SLAMF9: variants seen among roughly 807,000 people sequenced by gnomAD.
SLAMF9 encodes the protein CD2 family member 10.
A neutral mutation model predicts 30.4 loss-of-function variants in SLAMF9; 25 were observed. That is an observed-to-expected ratio of 0.82 (90% CI 0.60 to 1.15). The LOEUF (loss-of-function observed/expected upper bound fraction) is 1.15. SLAMF9 is among the 50% of genes most tolerant of loss of function. The pLI is 0.00. For synonymous variants in SLAMF9, 129 were observed against 127.2 expected, an observed-to-expected ratio of 1.01 and a Z score of -0.09; for missense variants, 344 against 346.1, an observed-to-expected ratio of 0.99 and a Z score of 0.05.
At chr1:159,972,006 C>T in the SLAMF9 span, among the ~76,000 whole-genome samples, 1 of 152,088 alleles carries the variant, frequency 6.6e-6, no homozygotes. Context: ...GCATACAGAC[C>T]CATGTCAATG....
rs1651843311 is a variant in SLAMF9, at chr1:159,953,549, C to T, written c.151G>A (p.Glu51Lys). 1 of 1,614,092 alleles carries T rather than the reference C, an allele frequency of 6.2e-7. No homozygotes were observed. The highest frequency in any genetic ancestry group is 8.5e-7 in the Non-Finnish European group (1 of 1,180,042). Residue 51 changes from glutamate (E) to lysine (K), a missense_variant, in exon 2 of 4, where the codon GAG becomes AAG. Coordinates refer to ENST00000368093, the MANE Select transcript of SLAMF9 (RefSeq NM_033438.4). The part of the protein sequence containing the change: ...PLEIPPDEEV[E>K]NIIWSSHKSL... The stretch of plus-strand genomic sequence containing the variant: ...TTGTGAGAGGACCAGATGATGTTCT[C>T]AACCTCTTCATCTGGTGGTATTTCC...
At chr1:159,979,316 G>A in the SLAMF9 span, among the ~76,000 whole-genome samples, 3 of 152,150 alleles carry the variant, frequency 2.0e-5, no homozygotes, top group Non-Finnish European at 4.4e-5. Context: ...TGTCTTTTTG[G>A]TTGCCACTAT....
chr1:159,979,962 G>A, the SLAMF9 span, among the ~76,000 whole-genome samples: 1 of 152,204 alleles, frequency 6.6e-6, no homozygotes, highest in Non-Finnish European at 1.5e-5. Flanking sequence ...ATCACAGGAC[G>A]TTTTAGGAAA....
At chr1:159,973,346 G>A in the SLAMF9 span, 2 of 572,144 alleles carry the variant, frequency 3.5e-6, no homozygotes, top group Non-Finnish European at 6.2e-6. Flanking sequence ...AGGAGGCTGA[G>A]GCCTGAGCTT....
In SLAMF9 at chr1:159,951,811, T is replaced by G; in HGVS notation, c.720A>C (p.Gly240=). 1 of 1,614,102 alleles carries G rather than the reference T, an allele frequency of 6.2e-7. No individual in the cohort carries two copies. The highest frequency in any genetic ancestry group is 1.3e-5 in the African/African-American group (1 of 75,022). ...TTACCAAGAGCAAGAAGATGAGCAA[T>G]CCCTTGGCCAGGAGGCAGAAGGCTG... ...PSTAFCLLAK[G]LLIFLLLVIL... is the part of the protein sequence containing the mutation. The change falls in exon 4 of 4, where the codon GGA becomes GGC. Residue 240 remains glycine, a synonymous_variant. Transcript: ENST00000368093.
rs770406659 is a variant in SLAMF9, at chr1:159,952,516, TG to T, written c.409del (p.Gln137ArgfsTer4). The T allele has an allele frequency of 6.2e-6, 10 of 1,613,794 alleles. No homozygotes were observed. Among genetic ancestry groups the T allele is most frequent in the Non-Finnish European group, 7.6e-6 (9 of 1,179,920 alleles). On this transcript the variant is annotated frameshift_variant, in exon 3 of 4. Transcript: ENST00000368093. LOFTEE classifies it high-confidence loss of function. ...ICVYRWLSEP[Q>X]ITVNFESSGE... Reference sequence around the variant, plus strand: ...AGAACTCTCAAAGTTCACAGTGATCTGGGGCTCTGACAGCCATCCTGGATGA... The same window carrying T: ...AGAACTCTCAAAGTTCACAGTGATCTGGGCTCTGACAGCCATCCTGGATGA...
the SLAMF9 span, chr1:159,976,577 C>CACATATTGAA: frequency 1.3e-5 from 2 of 152,114 alleles, no homozygotes; most frequent in African/African-American, 4.8e-5. Context: ...TTACTATATT[C>CACATATTGAA]ACATATATGT....
the SLAMF9 span, among the ~76,000 whole-genome samples, chr1:159,974,714 G>A: frequency 6.6e-6 from 1 of 152,166 alleles, no homozygotes. Context: ...GTCCTGATTG[G>A]GCAGGACAAG....
rs938778881 is a variant in SLAMF9 at position 159,953,711 on chromosome 1, C to A, written c.47-58G>T. 2.0e-6 allele frequency: 3 copies of A among 1,483,308 alleles called. No homozygotes were observed. In the Admixed American group the frequency reaches 6.1e-5, roughly 30 times the overall value. The allele number at this position is 1,483,308 out of a possible 1,614,324, so 91.9% of individuals were successfully genotyped here. ...AGCTGCTGTCTCTGGGCTGCTGAAC[C>A]TGGCAGTGGAGCTGCCAGAGTAGCG... is the stretch of plus-strand genomic sequence containing the variant. On this transcript the variant is annotated intron_variant, in intron 1 of 3. Coordinates refer to ENST00000368093, the MANE Select transcript of SLAMF9 (RefSeq NM_033438.4).
upstream of SLAMF9, among the ~76,000 whole-genome samples, chr1:159,954,459 C>G (rs1000521208): frequency 1.3e-5 from 2 of 152,164 alleles, no homozygotes; most frequent in Admixed American, 6.5e-5. Flanking sequence ...CGCCCCAGGT[C>G]CCCGCACGTA....
In SLAMF9 at chr1:159,953,488, TGTCCCTCTTTCCCTGGCACCACA is replaced by T. The variant is rs1403404957; in HGVS notation, c.189_211del (p.Val64SerfsTer72). 6.2e-7 allele frequency: 1 copy of T among 1,614,094 alleles called. No individual in the cohort carries two copies. Among genetic ancestry groups the T allele is most frequent in the Non-Finnish European group, 8.5e-7 (1 of 1,180,026 alleles). On this transcript the variant is annotated frameshift_variant, in exon 2 of 4. Transcript: ENST00000368093. LOFTEE classifies it high-confidence loss of function. ...ATTGGTCACCATGATGGTAGCTGGA[TGTCCCTCTTTCCCTGGCACCACA>T]GTGGCAAGACTTTTGTGAGAGGACC...
chr1:159,968,089 T>C, the SLAMF9 span, among the ~76,000 whole-genome samples: 1 of 152,236 alleles, frequency 6.6e-6, no homozygotes, highest in African/African-American at 2.4e-5. Context: ...ATGGCTTTTA[T>C]TTCTTTCTCT....
chr1:159,956,945 C>G (rs1050523458), upstream of SLAMF9, among the ~76,000 whole-genome samples: 10 of 151,352 alleles, frequency 6.6e-5, no homozygotes, highest in African/African-American at 9.7e-5. Context: ...GGGTGAAACC[C>G]CATCTCTACT....
At chr1:159,954,307 G>T, upstream of SLAMF9, 1 of 552,954 alleles carries the variant, frequency 1.8e-6, no homozygotes, top group Non-Finnish European at 3.1e-6. Context: ...TCCTCACTAA[G>T]CCCCTCCCTA....
the SLAMF9 span, among the ~76,000 whole-genome samples, chr1:159,982,744 G>A: frequency 5.3e-5 from 8 of 152,256 alleles, no homozygotes; most frequent in South Asian, 2.1e-4. Flanking sequence ...GAAACATAAC[G>A]ACATGGCTGG....
At position 159,951,662 on chromosome 1, in the gene SLAMF9, CA is replaced by C. The variant is rs1268446524; in HGVS notation, c.868del (p.Ter290AspfsTer43). On this transcript the variant is annotated frameshift_variant and stop_lost, in exon 4 of 4. Coordinates refer to ENST00000368093, the MANE Select transcript of SLAMF9 (RefSeq NM_033438.4). LOFTEE classifies it high-confidence loss of function. The stretch of plus-strand genomic sequence containing the variant: ...AGGACTGGGGTTCCCAAGGAGCAGT[CA>C]GGCAGGGCTGGAGCCAGGCTTTGCC... ...KEAKPGSSPA[*>X] 3.7e-6 allele frequency: 6 copies of C among 1,613,792 alleles called. No homozygotes were observed. In the South Asian group the frequency reaches 6.6e-5, roughly 18 times the overall value.
the SLAMF9 span, among the ~76,000 whole-genome samples, chr1:159,974,984 G>T: frequency 6.6e-6 from 1 of 152,144 alleles, no homozygotes; most frequent in Non-Finnish European, 1.5e-5. Context: ...TTCAAACCTG[G>T]TTTCTCTATT....
At chr1:159,976,085 TAGTGTGTG>T in the SLAMF9 span, among the ~76,000 whole-genome samples, 2 of 75,034 alleles carry the variant, frequency 2.7e-5, no homozygotes, top group East Asian at 9.9e-4. Context: ...GTATAGGTTG[TAGTGTGTG>T]TGTGTGTGTG....
upstream of SLAMF9, chr1:159,954,391 T>C (rs1651879399): frequency 2.8e-6 from 1 of 356,218 alleles, no homozygotes; most frequent in East Asian, 4.8e-5. Context: ...CATGATGCCA[T>C]CCACCAAACT....
Sources: allele counts gnomAD v4.1 joint callset (sites outside exome capture counted in the v4.1 genomes callset), GRCh38; gene constraint gnomAD v4.1.1; transcripts MANE v1.5; gene names NCBI Gene and HGNC (gene_info 2026-07-23, HGNC 2026-07-21).